IL18: variants seen among roughly 807,000 people sequenced by gnomAD.
The protein encoded by IL18 is interleukin-18.
A neutral mutation model predicts 14.2 loss-of-function variants in IL18; 8 were observed. The ratio of observed to expected loss-of-function variants is 0.56; its 90% confidence interval spans 0.33 to 1.01. The LOEUF (loss-of-function observed/expected upper bound fraction) is 1.01, where lower values mean the gene tolerates loss of function less well. Ranked by LOEUF, IL18 falls within the 50% of genes least tolerant of loss-of-function variation. The pLI is 0.03. For missense variants in IL18, 166 were observed against 231.1 expected, an observed-to-expected ratio of 0.72 and a Z score of 1.83; for synonymous variants, 67 against 71.0, an observed-to-expected ratio of 0.94 and a Z score of 0.28.
At chr11:112,163,586 C>G (rs1253509711) in intron 1 of IL18, among the ~76,000 whole-genome samples, 1 of 142,630 alleles carries the variant, frequency 7.0e-6, no homozygotes, top group South Asian at 2.2e-4. Context: ...AAGTGTCACT[C>G]TTTATGCTTT....
At chr11:112,157,026 A>G (rs1310546536) in intron 1 of IL18, among the ~76,000 whole-genome samples, 1 of 152,130 alleles carries the variant, frequency 6.6e-6, no homozygotes, top group Non-Finnish European at 1.5e-5. Flanking sequence ...AATATTAAAA[A>G]TCAGAACAAT....
intron 1 of IL18, among the ~76,000 whole-genome samples, chr11:112,161,247 C>T (rs1209576557): frequency 6.6e-6 from 1 of 152,160 alleles, no homozygotes; most frequent in Non-Finnish European, 1.5e-5. Context: ...CACATGAGTT[C>T]CAGTTTTGTC....
chr11:112,162,278 A>G (rs916864450), intron 1 of IL18, among the ~76,000 whole-genome samples: 15 of 152,024 alleles, frequency 9.9e-5, no homozygotes, highest in African/African-American at 3.6e-4. Flanking sequence ...CATTTATGTG[A>G]TAATCAAAAC....
intron 1 of IL18, among the ~76,000 whole-genome samples, chr11:112,162,457 C>T (rs1030359968): frequency 1.4e-4 from 22 of 151,746 alleles, no homozygotes; most frequent in African/African-American, 5.3e-4. Context: ...GATCCTCTTG[C>T]CTTAGCCTTT....
chr11:112,147,488 C>T (rs1365944272), intron 5 of IL18, among the ~76,000 whole-genome samples: 1 of 152,180 alleles, frequency 6.6e-6, no homozygotes, highest in Non-Finnish European at 1.5e-5. Flanking sequence ...TGTTCAGTAA[C>T]AGCATGCTTA....
In IL18 at chr11:112,161,070, A is replaced by G. The variant is rs528306081; in HGVS notation, c.-9+2836T>C. 3.5e-5 allele frequency among the ~76,000 whole-genome samples: 5 copies of G among 142,520 alleles called. No individual in the cohort carries two copies. In the East Asian group the frequency reaches 9.7e-4, roughly 28 times the overall value. The allele number at this position is 142,520 out of a possible 152,430, so 93.5% of individuals were successfully genotyped here. A position where few individuals can be genotyped will look rare whatever the true frequency, so the allele number is the denominator to read the frequency against. Reference sequence around the variant, plus strand: ...CTATTTCATCTAAAATTCTCAGACTACTGACTTTTTTTTTTTTTAAGAGTT... The same window carrying G: ...CTATTTCATCTAAAATTCTCAGACTGCTGACTTTTTTTTTTTTTAAGAGTT... On this transcript the variant is annotated intron_variant, in intron 1 of 5. Coordinates refer to ENST00000280357, the MANE Select transcript of IL18 (RefSeq NM_001562.4).
In IL18 at chr11:112,150,115, T is replaced by A; in HGVS notation, c.183A>T (p.Gly61=). ...TCATATCTTCAAATAGAGGCCGATT[T>A]CCTTGGTCAATGAAGAGAACTTGGT... The part of the protein sequence containing the change: ...LNDQVLFIDQ[G]NRPLFEDMTD... The change falls in exon 4 of 6, where the codon GGA becomes GGT. Residue 61 remains glycine (G), a synonymous_variant. Transcript: ENST00000280357. The A allele has an allele frequency of 6.2e-7, 1 of 1,611,514 alleles. No individual in the cohort carries two copies. The highest frequency in any genetic ancestry group is 8.5e-7 in the Non-Finnish European group (1 of 1,178,832).
intron 3 of IL18, 153 bp from the exon 4 acceptor site, chr11:112,150,359 A>G (rs1403376381): frequency 1.0e-5 from 6 of 577,948 alleles, no homozygotes; most frequent in Non-Finnish European, 1.8e-5. Flanking sequence ...TTTTTAACCT[A>G]CTCTCAAAGG....
intron 3 of IL18, chr11:112,150,577 T>G (rs967561437): frequency 6.3e-6 from 1 of 158,576 alleles, no homozygotes; most frequent in Non-Finnish European, 1.4e-5. Context: ...TCCTTCCCTG[T>G]GCAGCTGGAT....
chr11:112,159,723 T>C (rs1449495526), intron 1 of IL18, among the ~76,000 whole-genome samples: 3 of 152,264 alleles, frequency 2.0e-5, no homozygotes, highest in Non-Finnish European at 2.9e-5. Context: ...GTAGAGCTCC[T>C]AATTTACATA....
At chr11:112,144,325 T>C (rs1236779294) in intron 5 of IL18, among the ~76,000 whole-genome samples, 1 of 152,208 alleles carries the variant, frequency 6.6e-6, no homozygotes, top group Admixed American at 6.5e-5. Context: ...CTTGAATTCC[T>C]GGGCTCAAGC....
intron 5 of IL18, among the ~76,000 whole-genome samples, chr11:112,148,157 T>C (rs1023190991): frequency 3.9e-5 from 6 of 152,116 alleles, no homozygotes; most frequent in Admixed American, 2.6e-4. Flanking sequence ...ACAAAACAAC[T>C]AGGGATTAAA....
intron 4 of IL18, among the ~76,000 whole-genome samples, chr11:112,149,765 CT>C (rs1866406953): frequency 6.6e-6 from 1 of 151,664 alleles, no homozygotes; most frequent in Non-Finnish European, 1.5e-5. Context: ...GCATTTTCAG[CT>C]GTAACAAGCA....
chr11:112,143,682 C>T lies in IL18; in HGVS notation c.496G>A (p.Glu166Lys). The T allele has an allele frequency of 6.2e-7, 1 of 1,613,056 alleles. No individual in the cohort carries two copies. Among genetic ancestry groups the T allele is most frequent in the South Asian group, 1.1e-5 (1 of 91,038 alleles). Residue 166 changes from glutamate to lysine, a missense_variant, in exon 6 of 6, where the codon GAG becomes AAG. Physicochemically the swap from Glu to Lys is moderately conservative, Grantham distance 56. Coordinates refer to ENST00000280357, the MANE Select transcript of IL18 (RefSeq NM_001562.4). ...YEGYFLACEK[E>K]RDLFKLILKK... ...AAAATGAGTTTAAAAAGGTCTCTCT[C>T]TTTTTCACAAGCTAGAAAGTATCCT...
intron 4 of IL18, 148 bp from the exon 5 acceptor site, chr11:112,148,884 A>G (rs981397741): frequency 2.3e-6 from 1 of 441,886 alleles, no homozygotes. Flanking sequence ...ACAGCTGGTC[A>G]GACATTTTTA....
intron 5 of IL18, among the ~76,000 whole-genome samples, chr11:112,144,238 T>C (rs542098054): frequency 6.6e-6 from 1 of 152,312 alleles, no homozygotes; most frequent in Admixed American, 6.5e-5. Flanking sequence ...TAGTTTCTTT[T>C]TCTTTTTGCT....
intron 5 of IL18, among the ~76,000 whole-genome samples, chr11:112,144,044 C>G (rs576890715): frequency 6.6e-6 from 1 of 152,244 alleles, no homozygotes; most frequent in South Asian, 2.1e-4. Context: ...TCTAGTTTTC[C>G]CCTATACATC....
At chr11:112,161,829 C>T (rs185334677) in intron 1 of IL18, among the ~76,000 whole-genome samples, 1 of 152,166 alleles carries the variant, frequency 6.6e-6, no homozygotes, top group Admixed American at 6.5e-5. Context: ...AAACATACTA[C>T]TAGATTAAAA....
At chr11:112,157,264 C>T (rs1333679188) in intron 1 of IL18, among the ~76,000 whole-genome samples, 1 of 152,152 alleles carries the variant, frequency 6.6e-6, no homozygotes, top group African/African-American at 2.4e-5. Flanking sequence ...TTATGTAATA[C>T]ACACATATTT....
Sources: gnomAD v4.1 joint callset for allele counts (sites outside exome capture counted in the v4.1 genomes callset) on GRCh38, gnomAD v4.1.1 for gene constraint, MANE v1.5 for transcripts, NCBI Gene and HGNC (gene_info 2026-07-23, HGNC 2026-07-21) for gene names.